FOCAD: variants seen among roughly 807,000 people sequenced by gnomAD.
FOCAD encodes focadhesin.
In FOCAD, 198 loss-of-function variants were observed where a neutral mutation model predicts 225.6. That is an observed-to-expected ratio of 0.88 (90% CI 0.78 to 0.99). The LOEUF is 0.99. Among genes scored for constraint, FOCAD ranks in the 50% least tolerant of loss-of-function variants. The probability of loss-of-function intolerance (pLI) is 0.00; values close to 1 mark genes in which losing one functional copy is unlikely to be tolerated. For synonymous variants in FOCAD, 897 were observed against 755.0 expected (o/e 1.19, Z -3.08); for missense variants, 2,713 against 2,123.6 (o/e 1.28, Z -5.46).
intron 11 of FOCAD, among the ~76,000 whole-genome samples, chr9:20,807,138 T>C (rs1469782976): frequency 6.6e-6 from 1 of 152,256 alleles, no homozygotes; most frequent in African/African-American, 2.4e-5. Context: ...TGATGAAAGT[T>C]ATGTATTATT....
chr9:20,809,375 T>A lies in FOCAD; in HGVS notation c.1456-10421T>A, dbSNP rs184308194. ...GCCCTTGAAATTTGGCTAGTGTGACTGAGGAACAGAAGTTTTAATCGTATT... is the reference window on the plus strand; with the variant it reads ...GCCCTTGAAATTTGGCTAGTGTGACAGAGGAACAGAAGTTTTAATCGTATT... On this transcript the variant is annotated intron_variant, in intron 11 of 43. Coordinates refer to ENST00000338382, the MANE Select transcript of FOCAD (RefSeq NM_001375567.1). Among the ~76,000 whole-genome samples, 518 of 152,314 alleles carry A rather than the reference T, an allele frequency of 3.4e-3. 2 individuals are homozygous for A. The highest frequency in any genetic ancestry group is 4.3e-3 in the Non-Finnish European group (295 of 68,018).
intron 21 of FOCAD, among the ~76,000 whole-genome samples, chr9:20,887,703 C>A (rs1450872828): frequency 2.6e-5 from 4 of 152,124 alleles, no homozygotes; most frequent in African/African-American, 9.7e-5. Flanking sequence ...TAAACAAATA[C>A]CTAGGAGTGA....
chr9:20,968,157 C>T (rs1839433400), intron 35 of FOCAD, among the ~76,000 whole-genome samples: 1 of 152,038 alleles, frequency 6.6e-6, no homozygotes, highest in African/African-American at 2.4e-5. Flanking sequence ...GTTAAACTTT[C>T]TATGCATTCC....
rs59850711 is a variant in FOCAD, at chr9:20,961,113, C to T, written c.4132+8048C>T. Among the ~76,000 whole-genome samples the T allele has an allele frequency of 6.4e-3, 978 of 151,758 alleles. 12 individuals are homozygous for T. Among genetic ancestry groups the T allele is most frequent in the African/African-American group, 0.021 (867 of 41,378 alleles). The stretch of plus-strand genomic sequence containing the variant: ...CTACCCATCTATGTTTTTTATTAGG[C>T]GTTCTGCTGTAAGAAATGGCTCCTC... On this transcript the variant is annotated intron_variant, in intron 35 of 43. Coordinates refer to ENST00000338382, the MANE Select transcript of FOCAD (RefSeq NM_001375567.1).
chr9:20,747,765 T>C (rs1184160536), intron 5 of FOCAD, among the ~76,000 whole-genome samples: 1 of 151,840 alleles, frequency 6.6e-6, no homozygotes, highest in African/African-American at 2.4e-5. Flanking sequence ...ATTCCATAGA[T>C]ATAAAATTTT....
intron 11 of FOCAD, among the ~76,000 whole-genome samples, chr9:20,808,511 A>G (rs1168625098): frequency 2.0e-5 from 3 of 152,218 alleles, no homozygotes; most frequent in African/African-American, 7.2e-5. Flanking sequence ...GGGGCAGACA[A>G]TTACCTTATT....
chr9:20,964,795 A>C (rs888683239), intron 35 of FOCAD, among the ~76,000 whole-genome samples: 4 of 152,152 alleles, frequency 2.6e-5, no homozygotes, highest in African/African-American at 9.7e-5. Context: ...CGGCCTCCCA[A>C]AGTGCTGGGA....
intron 6 of FOCAD, among the ~76,000 whole-genome samples, chr9:20,760,061 G>C (rs1829436284): frequency 6.6e-6 from 1 of 152,182 alleles, no homozygotes; most frequent in South Asian, 2.1e-4. Context: ...TCTTGATGTG[G>C]CTCTTGCCAC....
chr9:20,946,984 G>A (rs1837245845), intron 30 of FOCAD, among the ~76,000 whole-genome samples, 164 bp downstream of exon 30: 1 of 152,178 alleles, frequency 6.6e-6, no homozygotes, highest in Non-Finnish European at 1.5e-5. Flanking sequence ...AAAAGTCACA[G>A]ATGTCTTTTT....
chr9:20,987,294 G>A (rs974726441), intron 40 of FOCAD, among the ~76,000 whole-genome samples: 1 of 152,152 alleles, frequency 6.6e-6, no homozygotes, highest in Admixed American at 6.5e-5. Flanking sequence ...GATCACCTGA[G>A]GTCAGGAGTT....
chr9:20,937,643 C>G (rs1358499284), intron 28 of FOCAD, among the ~76,000 whole-genome samples: 1 of 152,192 alleles, frequency 6.6e-6, no homozygotes, highest in Admixed American at 6.5e-5. Context: ...AAAACCTAGA[C>G]AATACCATTC....
At chr9:20,815,656 CA>C (rs1365620512) in intron 11 of FOCAD, among the ~76,000 whole-genome samples, 1 of 152,060 alleles carries the variant, frequency 6.6e-6, no homozygotes, top group East Asian at 1.9e-4. Context: ...ATTTGTTTAT[CA>C]AGGAACTTAA....
chr9:20,845,068 A>G (rs1826940196), intron 15 of FOCAD, among the ~76,000 whole-genome samples: 1 of 152,076 alleles, frequency 6.6e-6, no homozygotes, highest in South Asian at 2.1e-4. Flanking sequence ...TTATTATGAG[A>G]CTTCAGTGTC....
chr9:20,686,259 T>G (rs1000156884), intron 1 of FOCAD, among the ~76,000 whole-genome samples: 10 of 152,166 alleles, frequency 6.6e-5, no homozygotes, highest in African/African-American at 2.4e-4. Context: ...CAGGTTCAAG[T>G]GATTCTTCTG....
In FOCAD at chr9:20,727,770, C is replaced by G. The variant is rs937922834; in HGVS notation, c.287+7236C>G. 8.7e-4 allele frequency among the ~76,000 whole-genome samples: 132 copies of G among 152,150 alleles called. 8 individuals carry two copies. The highest frequency in any genetic ancestry group is 1.2e-4 in the Non-Finnish European group (8 of 68,020). ...CTTGTTCAGGGGTCTGAAATCCTTT[C>G]CAGTTAAAAAGGGACTTGGCCACAT... On this transcript the variant is annotated intron_variant, in intron 4 of 43. Transcript: ENST00000338382.
chr9:20,833,891 A>G (rs1284514833), intron 15 of FOCAD, among the ~76,000 whole-genome samples: 1 of 152,138 alleles, frequency 6.6e-6, no homozygotes, highest in Non-Finnish European at 1.5e-5. Context: ...TGGATATCTC[A>G]TATATTGTAA....
intron 39 of FOCAD, among the ~76,000 whole-genome samples, chr9:20,985,829 A>G (rs1435097192): frequency 1.3e-5 from 2 of 152,214 alleles, no homozygotes; most frequent in Non-Finnish European, 2.9e-5. Context: ...TACAATATAC[A>G]ATGAATACTA....
At position 20,923,660 on chromosome 9, in the gene FOCAD, G is replaced by A; in HGVS notation, c.2853G>A (p.Lys951=). ...LTDEITKAAA[K]ESPVVKGNAL... is the part of the protein sequence containing the mutation. ...TTGAAATTTTTTTCCTTTTGAACAGGGAGAGTCCGGTAGTGAAAGGCAATG... is the reference window on the plus strand; with the variant it reads ...TTGAAATTTTTTTCCTTTTGAACAGAGAGAGTCCGGTAGTGAAAGGCAATG... The change falls in exon 25 of 44, where the codon AAG becomes AAA. Residue 951 remains lysine (K), a splice_region_variant and synonymous_variant. Transcript: ENST00000338382. The A allele has an allele frequency of 1.2e-6, 2 of 1,613,206 alleles. No individual in the cohort carries two copies. The highest frequency in any genetic ancestry group is 1.7e-6 in the Non-Finnish European group (2 of 1,179,406).
At chr9:20,930,550 G>C (rs548363789) in intron 27 of FOCAD, among the ~76,000 whole-genome samples, 1 of 152,172 alleles carries the variant, frequency 6.6e-6, no homozygotes, top group Non-Finnish European at 1.5e-5. Flanking sequence ...GGATAAACTG[G>C]ATGACACTAT....
Sources: gnomAD v4.1 joint callset for allele counts (sites outside exome capture counted in the v4.1 genomes callset) on GRCh38, gnomAD v4.1.1 for gene constraint, MANE v1.5 for transcripts, NCBI Gene and HGNC (gene_info 2026-07-23, HGNC 2026-07-21) for gene names.